Variants in SH3GL2 observed in about 807,000 individuals in gnomAD.
The protein encoded by SH3GL2 is SH3 domain containing GRB2 like 2, endophilin A1.
In SH3GL2, 24 loss-of-function variants were observed where a neutral mutation model predicts 46.0. The ratio of observed to expected loss-of-function variants is 0.52; its 90% CI spans 0.38 to 0.73. The LOEUF (loss-of-function observed/expected upper bound fraction) is 0.73. Ranked by LOEUF, SH3GL2 falls within the 30% of genes least tolerant of loss-of-function variation. The pLI is 0.00. For missense variants in SH3GL2, 413 were observed against 424.2 expected (o/e 0.97, Z 0.23); for synonymous variants, 196 against 147.1 (o/e 1.33, Z -2.40).
chr9:17,737,283 A>G (rs1822366775), intron 1 of SH3GL2, among the ~76,000 whole-genome samples: 1 of 152,130 alleles, frequency 6.6e-6, no homozygotes, highest in South Asian at 2.1e-4. Context: ...GCAAACCACC[A>G]TGGCACATGT....
intron 1 of SH3GL2, among the ~76,000 whole-genome samples, chr9:17,710,225 T>A (rs1484880630): frequency 6.6e-6 from 1 of 152,032 alleles, no homozygotes; most frequent in Non-Finnish European, 1.5e-5. Context: ...CATTTCTTCT[T>A]GCTGCTGCCA....
rs115703941 is a variant in SH3GL2 at position 17,717,646 on chromosome 9, G to A, written c.46-29420G>A. On this transcript the variant is annotated intron_variant, in intron 1 of 8. Transcript: ENST00000380607. ...TGCCTTCCAGGGACTCAGACAAAGC[G>A]GGGGAAGAGAAGTTAAATGATACAG... Among the ~76,000 whole-genome samples the A allele has an allele frequency of 6.9e-3, 1,048 of 152,180 alleles. 13 individuals carry two copies. Among genetic ancestry groups the A allele is most frequent in the African/African-American group, 0.024 (998 of 41,542 alleles).
chr9:17,597,956 A>G (rs2134558057), intron 1 of SH3GL2, among the ~76,000 whole-genome samples: 1 of 152,290 alleles, frequency 6.6e-6, no homozygotes, highest in South Asian at 2.1e-4. Context: ...AGAGATGGAT[A>G]AAATACTCAT....
chr9:17,659,171 C>T (rs748859104), intron 1 of SH3GL2, among the ~76,000 whole-genome samples: 1 of 152,098 alleles, frequency 6.6e-6, no homozygotes, highest in Non-Finnish European at 1.5e-5. Flanking sequence ...GTGAGTTAAG[C>T]GGCCACTAAG....
chr9:17,796,080 T>C lies in SH3GL2; in HGVS notation c.*337T>C, dbSNP rs1166989795. ...CAGAAAAACCATCCCACCGAAGATA[T>C]TGTCTATCACCCCAGGGGCCATCTG... On this transcript the variant is annotated 3_prime_UTR_variant, in exon 9 of 9. Transcript: ENST00000380607. 3.2e-5 allele frequency: 8 copies of C among 247,134 alleles called. No homozygotes were observed. Among genetic ancestry groups the C allele is most frequent in the African/African-American group, 8.7e-5 (4 of 45,980 alleles). 15.3% of individuals were successfully genotyped at this position (247,134 alleles called of 1,614,324 possible).
At position 17,681,619 on chromosome 9, in the gene SH3GL2, G is replaced by T. The variant is rs540992335; in HGVS notation, c.46-65447G>T. 3.1e-4 allele frequency among the ~76,000 whole-genome samples: 46 copies of T among 149,570 alleles called. 1 individual carries two copies. The highest frequency in any genetic ancestry group is 1.1e-3 in the African/African-American group (45 of 40,376). The stretch of plus-strand genomic sequence containing the variant: ...AAAAACCTAGAAGAAAACCTAGGCA[G>T]TGCCATTCAAGACATAGGCATGGGA... On this transcript the variant is annotated intron_variant, in intron 1 of 8. Transcript: ENST00000380607.
chr9:17,745,569 C>T (rs1456044576), intron 1 of SH3GL2, among the ~76,000 whole-genome samples: 1 of 152,058 alleles, frequency 6.6e-6, no homozygotes, highest in East Asian at 1.9e-4. Flanking sequence ...TATGCAGGGC[C>T]AGAGTGATGA....
intron 3 of SH3GL2, among the ~76,000 whole-genome samples, chr9:17,778,724 C>G (rs1242797263): frequency 2.0e-5 from 3 of 152,060 alleles, no homozygotes; most frequent in Non-Finnish European, 4.4e-5. Flanking sequence ...ATGGTAGTAG[C>G]TTAGACCAGA....
intron 1 of SH3GL2, among the ~76,000 whole-genome samples, chr9:17,607,050 T>A (rs1818772932): frequency 6.6e-6 from 1 of 152,222 alleles, no homozygotes; most frequent in Non-Finnish European, 1.5e-5. Flanking sequence ...AGGGAGTTTG[T>A]GTGTCTGGGG....
At chr9:17,687,907 C>G (rs1820964415) in intron 1 of SH3GL2, among the ~76,000 whole-genome samples, 1 of 152,008 alleles carries the variant, frequency 6.6e-6, no homozygotes, top group Non-Finnish European at 1.5e-5. Context: ...TGCCTACAGC[C>G]AGTTCTGTTA....
chr9:17,794,809 T>G (rs1404856179), intron 8 of SH3GL2, among the ~76,000 whole-genome samples: 5 of 152,206 alleles, frequency 3.3e-5, no homozygotes, highest in African/African-American at 1.2e-4. Flanking sequence ...ACTGCATATA[T>G]TTATGTATGC....
At chr9:17,658,204 G>A (rs1218829423) in intron 1 of SH3GL2, among the ~76,000 whole-genome samples, 1 of 152,168 alleles carries the variant, frequency 6.6e-6, no homozygotes, top group Non-Finnish European at 1.5e-5. Context: ...ATTAATAAAT[G>A]TTAATTAAAA....
chr9:17,684,313 T>C (rs1049166046), intron 1 of SH3GL2, among the ~76,000 whole-genome samples: 1 of 152,110 alleles, frequency 6.6e-6, no homozygotes, highest in African/African-American at 2.4e-5. Flanking sequence ...ATGCTTTTGA[T>C]ACCTCCTTGG....
At chr9:17,599,940 C>CT (rs796276528) in intron 1 of SH3GL2, among the ~76,000 whole-genome samples, 8,418 of 145,650 alleles carry the variant, frequency 0.058, 803 homozygotes, top group African/African-American at 0.2. Context: ...GACTGCCTAT[C>CT]TTTTTTTTTT....
At chr9:17,736,998 T>C (rs888505120) in intron 1 of SH3GL2, among the ~76,000 whole-genome samples, 26 of 152,206 alleles carry the variant, frequency 1.7e-4, no homozygotes, top group African/African-American at 5.8e-4. Context: ...GTGGCACATA[T>C]ACACCATGGA....
At chr9:17,769,533 T>G (rs1308054305) in intron 3 of SH3GL2, among the ~76,000 whole-genome samples, 1 of 152,050 alleles carries the variant, frequency 6.6e-6, no homozygotes, top group Non-Finnish European at 1.5e-5. Context: ...CTCGGGGTCT[T>G]TGCACAGGTG....
chr9:17,633,206 A>G (rs1346419287), intron 1 of SH3GL2, among the ~76,000 whole-genome samples: 1 of 152,138 alleles, frequency 6.6e-6, no homozygotes, highest in Middle Eastern at 3.4e-3. Context: ...TGATTTCACA[A>G]CCATGTGGGA....
At chr9:17,729,937 A>C (rs972181799) in intron 1 of SH3GL2, among the ~76,000 whole-genome samples, 1 of 151,946 alleles carries the variant, frequency 6.6e-6, no homozygotes, top group Non-Finnish European at 1.5e-5. Flanking sequence ...TGTCTTGGCT[A>C]TACGGGCTCT....
chr9:17,690,059 C>T (rs149149390), intron 1 of SH3GL2, among the ~76,000 whole-genome samples: 1 of 152,182 alleles, frequency 6.6e-6, no homozygotes, highest in East Asian at 1.9e-4. Context: ...TTCTGTGTGA[C>T]TCTTGGAAAG....
Sources: allele counts gnomAD v4.1 joint callset (sites outside exome capture counted in the v4.1 genomes callset), GRCh38; gene constraint gnomAD v4.1.1; transcripts MANE v1.5; gene names NCBI Gene and HGNC (gene_info 2026-07-23, HGNC 2026-07-21).